The following KLHL20 variants were observed in gnomAD, a reference collection of about 807,000 sequenced individuals.
KLHL20 encodes the protein kelch like family member 20.
A neutral mutation model predicts 69.5 loss-of-function variants in KLHL20; 29 were observed. The observed-to-expected ratio is 0.42, with a 90% confidence interval of 0.31 to 0.57. The LOEUF is 0.57. Ranked by LOEUF, KLHL20 falls within the 20% of genes least tolerant of loss-of-function variation. The probability of loss-of-function intolerance (pLI) is 0.18; values close to 1 mark genes in which losing one functional copy is unlikely to be tolerated. For missense variants in KLHL20, 419 were observed against 776.0 expected (o/e 0.54, Z 5.47); for synonymous variants, 253 against 265.2 (o/e 0.95, Z 0.45).
intron 2 of KLHL20, among the ~76,000 whole-genome samples, chr1:173,726,843 C>G (rs1275745152): frequency 6.6e-6 from 1 of 152,206 alleles, no homozygotes; most frequent in Admixed American, 6.5e-5. Context: ...CAGAGCACCT[C>G]TCCTCCTCCA....
At chr1:173,763,153 TA>T (rs1647430979) in intron 7 of KLHL20, among the ~76,000 whole-genome samples, 1 of 152,014 alleles carries the variant, frequency 6.6e-6, no homozygotes, top group Non-Finnish European at 1.5e-5. Flanking sequence ...ATAAAATACT[TA>T]GGAATATACC....
At chr1:173,771,439 T>C (rs990774502) in intron 8 of KLHL20, among the ~76,000 whole-genome samples, 3 of 151,946 alleles carry the variant, frequency 2.0e-5, no homozygotes, top group African/African-American at 4.8e-5. Context: ...CAGTTAACTG[T>C]AGAACTATGA....
chr1:173,734,360 C>G, intron 3 of KLHL20, 74 bp downstream of exon 3: 1 of 1,219,754 alleles, frequency 8.2e-7, no homozygotes, highest in Non-Finnish European at 1.2e-6. Flanking sequence ...CTAAATAACA[C>G]TTGCCTGGGT....
intron 7 of KLHL20, among the ~76,000 whole-genome samples, chr1:173,759,978 C>G (rs116010641): frequency 1.3e-3 from 201 of 152,110 alleles, no homozygotes; most frequent in African/African-American, 4.6e-3. Flanking sequence ...AAAAATGATA[C>G]AAGAAGTGAA....
chr1:173,766,514 T>A (rs752394851), intron 8 of KLHL20, among the ~76,000 whole-genome samples: 8 of 147,818 alleles, frequency 5.4e-5, no homozygotes, highest in Non-Finnish European at 1.2e-4. Context: ...GGCGTGGTGG[T>A]GCATGTAGTT....
chr1:173,725,568 C>A (rs188418805), intron 2 of KLHL20, among the ~76,000 whole-genome samples: 213 of 152,280 alleles, frequency 1.4e-3, no homozygotes, highest in African/African-American at 4.5e-3. Flanking sequence ...TTACAGATAC[C>A]CCACCACCTT....
At position 173,733,808 on chromosome 1, in the gene KLHL20, C is replaced by G; in HGVS notation, c.119C>G (p.Pro40Arg). 1 of 1,614,148 alleles carries G rather than the reference C, an allele frequency of 6.2e-7. No individual in the cohort carries two copies. The highest frequency in any genetic ancestry group is 8.5e-7 in the Non-Finnish European group (1 of 1,180,036). ...AAACTGCCAGAAGGGGTTCCCCAACCTGCCCGCATGCCCTATATCTCAGAC... is the reference window on the plus strand; with the variant it reads ...AAACTGCCAGAAGGGGTTCCCCAACGTGCCCGCATGCCCTATATCTCAGAC... ...PNKLPEGVPQ[P>R]ARMPYISDKH... The change falls in exon 3 of 12, where the codon CCT (proline) becomes CGT (arginine). Residue 40 changes from proline to arginine, a missense_variant. Physicochemically the swap from Pro to Arg is moderately radical, Grantham distance 103. Around this residue, in one of 6 missense-constraint regions of KLHL20, gnomAD observed 129 missense variants for 183.6 expected, o/e 0.70. Transcript: ENST00000209884.
intron 2 of KLHL20, among the ~76,000 whole-genome samples, chr1:173,728,772 T>C (rs1192119004): frequency 2.6e-5 from 4 of 151,892 alleles, no homozygotes; most frequent in Non-Finnish European, 5.9e-5. Context: ...TAGCACTAAA[T>C]GCCCAGAAGA....
chr1:173,769,566 A>C (rs1033507980), intron 8 of KLHL20, among the ~76,000 whole-genome samples: 4 of 152,090 alleles, frequency 2.6e-5, no homozygotes, highest in African/African-American at 9.7e-5. Context: ...AGGTGGGAGG[A>C]TTGCTTGAGT....
chr1:173,723,056 T>TA (rs1290995541), intron 2 of KLHL20, among the ~76,000 whole-genome samples: 1 of 152,206 alleles, frequency 6.6e-6, no homozygotes, highest in African/African-American at 2.4e-5. Flanking sequence ...TTAGGTGAAA[T>TA]AAAAAATTGT....
intron 5 of KLHL20, among the ~76,000 whole-genome samples, chr1:173,754,753 G>C (rs1170535985): frequency 6.6e-6 from 1 of 152,182 alleles, no homozygotes; most frequent in African/African-American, 2.4e-5. Context: ...TGATTCTGAT[G>C]CAGAAAGTAA....
At chr1:173,742,746 G>A (rs925567039) in intron 3 of KLHL20, among the ~76,000 whole-genome samples, 1 of 150,406 alleles carries the variant, frequency 6.6e-6, no homozygotes, top group East Asian at 2.0e-4. Flanking sequence ...GTGTATATAT[G>A]TAAATATGTA....
At position 173,775,642 on chromosome 1, in the gene KLHL20, T is replaced by C; in HGVS notation, c.1438T>C (p.Tyr480His). The C allele has an allele frequency of 6.2e-7, 1 of 1,614,076 alleles. No individual in the cohort carries two copies. The change falls in exon 10 of 12, where the codon TAC becomes CAC. Residue 480 changes from tyrosine (Y) to histidine (H), a missense_variant. Transcript: ENST00000209884. ...GTSPLNTVER[Y>H]NPQENRWHTI... ...TTTTCTTTTCCCTACAGTGGAACGT[T>C]ACAATCCTCAGGAAAACAGATGGCA...
intron 7 of KLHL20, among the ~76,000 whole-genome samples, chr1:173,758,721 G>A (rs922701753): frequency 2.0e-5 from 3 of 152,188 alleles, no homozygotes; most frequent in Non-Finnish European, 4.4e-5. Context: ...AAAGGCCCTG[G>A]GAGTTTGCTG....
intron 10 of KLHL20, among the ~76,000 whole-genome samples, chr1:173,779,559 C>G (rs1648717571): frequency 1.3e-5 from 2 of 152,008 alleles, no homozygotes; most frequent in Admixed American, 1.3e-4. Context: ...CCATGTTGGC[C>G]AGGCTGGTCT....
At chr1:173,732,858 C>A (rs939735199) in intron 2 of KLHL20, among the ~76,000 whole-genome samples, 1 of 152,052 alleles carries the variant, frequency 6.6e-6, no homozygotes, top group African/African-American at 2.4e-5. Flanking sequence ...TATTTAATAT[C>A]TCTAGATATG....
chr1:173,747,266 T>C (rs1457439436), intron 3 of KLHL20, among the ~76,000 whole-genome samples: 1 of 152,080 alleles, frequency 6.6e-6, no homozygotes, highest in Non-Finnish European at 1.5e-5. Context: ...TCCTTGGACC[T>C]GTGTGTTAAA....
At chr1:173,781,829 C>G (rs1236326834) in intron 10 of KLHL20, 1 of 224,616 alleles carries the variant, frequency 4.5e-6, no homozygotes, top group African/African-American at 2.3e-5. Context: ...CAGGCAAATA[C>G]CAGAGGAAGT....
intron 9 of KLHL20, among the ~76,000 whole-genome samples, chr1:173,775,225 T>G (rs947087053): frequency 6.6e-6 from 1 of 152,218 alleles, no homozygotes; most frequent in Non-Finnish European, 1.5e-5. Context: ...AAGCTTAAAA[T>G]GCACTGTGCT....
Sources: allele counts gnomAD v4.1 joint callset (sites outside exome capture counted in the v4.1 genomes callset), GRCh38; gene constraint gnomAD v4.1.1; regional missense constraint gnomAD v4.1.1; transcripts MANE v1.5; gene names NCBI Gene and HGNC (gene_info 2026-07-23, HGNC 2026-07-21).